Variants in SLC35F3 observed in about 807,000 individuals in gnomAD.
The protein encoded by SLC35F3 is putative thiamine transporter SLC35F3.
In SLC35F3, 25 loss-of-function variants were observed where a neutral mutation model predicts 49.9. The ratio of observed to expected loss-of-function variants is 0.50; its 90% CI spans 0.37 to 0.70. The LOEUF is 0.70. SLC35F3 is among the 30% of genes least tolerant of loss of function. SLC35F3 has a pLI of 0.00. For synonymous variants in SLC35F3, 275 were observed against 265.4 expected (o/e 1.04, Z -0.35); for missense variants, 525 against 639.8 (o/e 0.82, Z 1.94).
intron 3 of SLC35F3, among the ~76,000 whole-genome samples, chr1:234,251,640 C>T (rs1348167800): frequency 6.6e-6 from 1 of 151,880 alleles, no homozygotes; most frequent in Admixed American, 6.6e-5. Flanking sequence ...TTAAAATGTC[C>T]AAATGTTTGT....
Position 234,231,950 on chromosome 1 carries a change from C to T in SLC35F3, c.608+209C>T, listed in dbSNP as rs1450146570. Among the ~76,000 whole-genome samples the T allele has an allele frequency of 6.6e-6, 1 of 152,292 alleles. No homozygotes were observed. Among genetic ancestry groups the T allele is most frequent in the East Asian group, 1.9e-4 (1 of 5,174 alleles). On this transcript the variant is annotated intron_variant, in intron 3 of 7. Coordinates refer to ENST00000366618, the MANE Select transcript of SLC35F3 (RefSeq NM_173508.4). This position sits in a 1 kb window ranked among gnomAD's most constrained non-coding sequence, Gnocchi z 5.4. ...GAACGCCTCCTTCCTCTACCTCCTG[C>T]CCCTCAGCCCTGGGAGCCCCTTTAT...
At chr1:233,921,738 G>A (rs557126691) in intron 2 of SLC35F3, among the ~76,000 whole-genome samples, 2 of 151,870 alleles carry the variant, frequency 1.3e-5, no homozygotes, top group African/African-American at 4.8e-5. Flanking sequence ...GTGCCATGTT[G>A]GTGTGCTGCA....
intron 2 of SLC35F3, among the ~76,000 whole-genome samples, chr1:234,031,245 C>T (rs1664057583): frequency 6.6e-6 from 1 of 152,162 alleles, no homozygotes; most frequent in South Asian, 2.1e-4. Flanking sequence ...CAGCAAAAAC[C>T]CACTGTGTTC....
intron 6 of SLC35F3, among the ~76,000 whole-genome samples, chr1:234,319,888 A>G (rs1157610649): frequency 2.0e-5 from 3 of 152,154 alleles, no homozygotes; most frequent in Non-Finnish European, 4.4e-5. Context: ...AACTCAGGGA[A>G]CAGAGGGGCT....
intron 2 of SLC35F3, among the ~76,000 whole-genome samples, chr1:234,090,983 A>G (rs1005712530): frequency 1.3e-5 from 2 of 152,218 alleles, no homozygotes; most frequent in African/African-American, 4.8e-5. Context: ...GGTTCCTGAC[A>G]CACCACTGAG....
Position 234,214,523 on chromosome 1 carries a change from G to T in SLC35F3, c.284-16894G>T. 1.3e-6 allele frequency: 2 copies of T among 1,553,398 alleles called. No individual in the cohort carries two copies. The highest frequency in any genetic ancestry group is 1.7e-6 in the Non-Finnish European group (2 of 1,152,106). The stretch of plus-strand genomic sequence containing the variant: ...CATGAAGAAGCACTCGGCCCGGGTG[G>T]CCCCGCTCAGCGCCTGCAACAGTCC... On this transcript the variant is annotated intron_variant, in intron 2 of 7. Coordinates refer to ENST00000366618, the MANE Select transcript of SLC35F3 (RefSeq NM_173508.4). The surrounding 1 kb of genome is among the most constrained non-coding windows in gnomAD (Gnocchi z 8.0).
intron 2 of SLC35F3, among the ~76,000 whole-genome samples, chr1:234,086,320 GA>G (rs1664960231): frequency 1.3e-5 from 2 of 152,214 alleles, no homozygotes; most frequent in South Asian, 4.1e-4. Context: ...GTCAGGGGCT[GA>G]ATGTTGGGTG....
At chr1:233,925,148 T>C (rs1229082723) in intron 2 of SLC35F3, among the ~76,000 whole-genome samples, 1 of 152,196 alleles carries the variant, frequency 6.6e-6, no homozygotes, top group East Asian at 1.9e-4. Context: ...GTCTATTAGG[T>C]CCTCTTGGTG....
chr1:233,935,745 C>T (rs985493004), intron 2 of SLC35F3, among the ~76,000 whole-genome samples: 2 of 152,124 alleles, frequency 1.3e-5, no homozygotes, highest in African/African-American at 2.4e-5. Context: ...AACTTGAGCC[C>T]GAGTGCAAGC....
chr1:234,311,611 C>T (rs979388599), intron 4 of SLC35F3, among the ~76,000 whole-genome samples: 9 of 152,210 alleles, frequency 5.9e-5, no homozygotes, highest in Non-Finnish European at 8.8e-5. Flanking sequence ...AAGTCATGTG[C>T]GCAGATCCAA....
chr1:234,322,032 T>C (rs578045807), intron 7 of SLC35F3, among the ~76,000 whole-genome samples: 4 of 151,482 alleles, frequency 2.6e-5, no homozygotes, highest in African/African-American at 9.7e-5. Context: ...ATAATAATAA[T>C]AATAATAATA....
chr1:234,034,892 G>GTGTTTT (rs1271889018), intron 2 of SLC35F3, among the ~76,000 whole-genome samples: 1 of 152,064 alleles, frequency 6.6e-6, no homozygotes, highest in Non-Finnish European at 1.5e-5. Flanking sequence ...ATTAATTATT[G>GTGTTTT]TGTTTTTTGT....
At chr1:234,187,672 G>A (rs1340322666) in intron 2 of SLC35F3, among the ~76,000 whole-genome samples, 1 of 152,218 alleles carries the variant, frequency 6.6e-6, no homozygotes, top group Non-Finnish European at 1.5e-5. Context: ...CAGATCATGG[G>A]AGAAGGATTT....
chr1:234,115,461 G>T (rs1420448140), intron 2 of SLC35F3, among the ~76,000 whole-genome samples: 1 of 152,124 alleles, frequency 6.6e-6, no homozygotes, highest in Admixed American at 6.5e-5. Flanking sequence ...CCACTGCCTT[G>T]TCTACCCTCA....
chr1:233,931,652 G>A (rs1360915412), intron 2 of SLC35F3, among the ~76,000 whole-genome samples: 1 of 152,210 alleles, frequency 6.6e-6, no homozygotes, highest in African/African-American at 2.4e-5. Flanking sequence ...AACAGATGCT[G>A]GAGAGGATGT....
At chr1:234,168,500 A>G (rs1244580457) in intron 2 of SLC35F3, among the ~76,000 whole-genome samples, 1 of 152,252 alleles carries the variant, frequency 6.6e-6, no homozygotes, top group Non-Finnish European at 1.5e-5. Context: ...TATTCTGGCC[A>G]TCATGCAGCA....
chr1:234,076,816 C>G (rs1478203709), intron 2 of SLC35F3, among the ~76,000 whole-genome samples: 1 of 151,984 alleles, frequency 6.6e-6, no homozygotes, highest in Admixed American at 6.6e-5. Flanking sequence ...TCTCTTCTGT[C>G]GATAAAGTGT....
At position 234,166,352 on chromosome 1, in the gene SLC35F3, C is replaced by T. The variant is rs576867868; in HGVS notation, c.284-65065C>T. The stretch of plus-strand genomic sequence containing the variant: ...AGAGTCCATAGTTTATATTAAGGCT[C>T]ACTCTTACTTGGTGTTGTACGTTCT... On this transcript the variant is annotated intron_variant, in intron 2 of 7. Coordinates refer to ENST00000366618, the MANE Select transcript of SLC35F3 (RefSeq NM_173508.4). 2.0e-5 allele frequency among the ~76,000 whole-genome samples: 3 copies of T among 152,302 alleles called. No individual in the cohort carries two copies. The East Asian group carries it at 5.8e-4, about 29-fold the overall frequency.
chr1:234,304,582 C>T (rs754402349), intron 3 of SLC35F3, among the ~76,000 whole-genome samples: 8 of 152,148 alleles, frequency 5.3e-5, no homozygotes, highest in Non-Finnish European at 8.8e-5. Context: ...TATATAAATC[C>T]TTCCTGTCCT....
Sources: allele counts gnomAD v4.1 joint callset (sites outside exome capture counted in the v4.1 genomes callset), GRCh38; gene constraint gnomAD v4.1.1; non-coding constraint Gnocchi (gnomAD v3.1); transcripts MANE v1.5; gene names NCBI Gene and HGNC (gene_info 2026-07-23, HGNC 2026-07-21).